The following TDRD5 variants were observed in gnomAD, a reference collection of about 807,000 sequenced individuals.
TDRD5 encodes the protein tudor domain-containing protein 5.
TDRD5 carries 41 observed loss-of-function variants against 120.6 expected under a neutral mutation model. The observed-to-expected ratio is 0.34, with a 90% CI of 0.26 to 0.44. TDRD5 has a LOEUF of 0.44. TDRD5 is among the 20% of genes least tolerant of loss of function. The probability of loss-of-function intolerance (pLI) is 1.00; values close to 1 mark genes in which losing one functional copy is unlikely to be tolerated. For synonymous variants in TDRD5, 430 were observed against 433.7 expected (o/e 0.99, Z 0.11); for missense variants, 1,006 against 1,221.2 (o/e 0.82, Z 2.63).
chr1:179,597,332 C>CTTTTTTTTTTTTTTTTTTTTTTTTTT (rs945509784), intron 4 of TDRD5, among the ~76,000 whole-genome samples: 39 of 125,540 alleles, frequency 3.1e-4, no homozygotes, highest in Non-Finnish European at 4.6e-4. Context: ...TTCTTTTTTT[C>CTTTTTTTTTTTTTTTTTTTTTTTTTT]TTTTTTTTTT....
intron 8 of TDRD5, among the ~76,000 whole-genome samples, chr1:179,635,430 T>A (rs1390265328): frequency 1.3e-5 from 2 of 152,174 alleles, no homozygotes; most frequent in Non-Finnish European, 2.9e-5. Flanking sequence ...AAGGTAGTAG[T>A]TTTCATATTT....
intron 11 of TDRD5, among the ~76,000 whole-genome samples, chr1:179,643,258 T>C (rs1446789463): frequency 6.6e-6 from 1 of 152,042 alleles, no homozygotes; most frequent in East Asian, 1.9e-4. Context: ...GAGAAGAGCA[T>C]AACAGAATCC....
In TDRD5 at chr1:179,638,818, A is replaced by G. The variant is rs1253362274; in HGVS notation, c.1521-1021A>G. Among the ~76,000 whole-genome samples, 2 of 92,828 alleles carry G rather than the reference A, an allele frequency of 2.2e-5. 1 individual carries two copies. Among genetic ancestry groups the G allele is most frequent in the Non-Finnish European group, 4.9e-5 (2 of 41,218 alleles). 60.9% of individuals were successfully genotyped at this position (92,828 alleles called of 152,430 possible). On this transcript the variant is annotated intron_variant, in intron 9 of 17. Transcript: ENST00000444136. ...TGTGGGTAAAATACACATTAAATAT[A>G]TTCATTTTAACTATGTACACTTTTT...
At chr1:179,645,754 A>G (rs544822347) in intron 11 of TDRD5, among the ~76,000 whole-genome samples, 2 of 152,200 alleles carry the variant, frequency 1.3e-5, no homozygotes, top group South Asian at 2.1e-4. Flanking sequence ...AATTGAGGCT[A>G]TATTATTAGG....
chr1:179,651,946 C>T (rs1678740178), intron 12 of TDRD5, 93 bp from the exon 13 acceptor site: 1 of 1,350,202 alleles, frequency 7.4e-7, no homozygotes, highest in Non-Finnish European at 1.0e-6. Context: ...AGATAATATA[C>T]TTCCATAGCA....
intron 11 of TDRD5, among the ~76,000 whole-genome samples, chr1:179,650,506 G>C (rs940433284): frequency 6.7e-6 from 1 of 149,698 alleles, no homozygotes; most frequent in South Asian, 2.1e-4. Context: ...CTGATAATTT[G>C]TTCAAGCTTG....
chr1:179,662,024 A>C lies in TDRD5; in HGVS notation c.2323-80A>C. 3.0e-6 allele frequency: 4 copies of C among 1,354,982 alleles called. No homozygotes were observed. In the South Asian group the frequency reaches 8.2e-5, roughly 28 times the overall value. 83.9% of individuals were successfully genotyped at this position (1,354,982 alleles called of 1,614,324 possible). A position where few individuals can be genotyped will look rare whatever the true frequency, so the allele number is the denominator to read the frequency against. ...TGTCATCTTTACCTGGAGTCAGGAAAAAACTATAAAACCTAAATTTTATGT... is the reference window on the plus strand; with the variant it reads ...TGTCATCTTTACCTGGAGTCAGGAACAAACTATAAAACCTAAATTTTATGT... On this transcript the variant is annotated intron_variant, in intron 14 of 17. Coordinates refer to ENST00000444136, the MANE Select transcript of TDRD5 (RefSeq NM_001199085.3).
At chr1:179,595,849 TACGATGTTTTTAAATTCAGTGGTGTTA>T in intron 4 of TDRD5, 31 bp downstream of exon 4, 2 of 1,557,876 alleles carry the variant, frequency 1.3e-6, no homozygotes, top group Non-Finnish European at 1.7e-6. Flanking sequence ...GATATAAATA[TACGATGTTTTTAAATTCAGTGGTGTTA>T]ACACTTTGAT....
At chr1:179,613,203 C>T (rs1676378426) in intron 4 of TDRD5, among the ~76,000 whole-genome samples, 1 of 152,074 alleles carries the variant, frequency 6.6e-6, no homozygotes, top group African/African-American at 2.4e-5. Flanking sequence ...TTTTATTTCA[C>T]CTGATAACCT....
At chr1:179,669,427 A>T in intron 17 of TDRD5, 23 bp downstream of exon 17, 1 of 1,612,394 alleles carries the variant, frequency 6.2e-7, no homozygotes, top group East Asian at 2.2e-5. Flanking sequence ...GTACTTGTGC[A>T]TGCTCACAGT....
chr1:179,651,076 G>A lies in TDRD5; in HGVS notation c.2001+9G>A. On this transcript the variant is annotated intron_variant, in intron 12 of 17. Coordinates refer to ENST00000444136, the MANE Select transcript of TDRD5 (RefSeq NM_001199085.3). ...AAAATATCTCTTCTAAGGTGGAGCA[G>A]TCTGGATGTATTTTGTAATATATTT... is the stretch of plus-strand genomic sequence containing the variant. 1 of 1,613,424 alleles carries A rather than the reference G, an allele frequency of 6.2e-7. No individual in the cohort carries two copies. The highest frequency in any genetic ancestry group is 8.5e-7 in the Non-Finnish European group (1 of 1,179,682).
rs181842431 is a variant in TDRD5, at chr1:179,633,382, C to T, written c.1127-1075C>T. 2.2e-3 allele frequency among the ~76,000 whole-genome samples: 335 copies of T among 151,184 alleles called. 5 individuals carry two copies. The highest frequency in any genetic ancestry group is 7.6e-3 in the African/African-American group (314 of 41,240). ...CTTTTTTTTTTTTGAGATGGAGTCT[C>T]GCTCTGTCACCCAGGCTGGAGTGCA... On this transcript the variant is annotated intron_variant, in intron 7 of 17. Coordinates refer to ENST00000444136, the MANE Select transcript of TDRD5 (RefSeq NM_001199085.3).
At chr1:179,610,419 G>A (rs1367485003) in intron 4 of TDRD5, among the ~76,000 whole-genome samples, 1 of 152,138 alleles carries the variant, frequency 6.6e-6, no homozygotes, top group Non-Finnish European at 1.5e-5. Context: ...AGATTATCAT[G>A]AATTGTTCAG....
chr1:179,648,462 G>C (rs1169754784), intron 11 of TDRD5, among the ~76,000 whole-genome samples: 1 of 88,064 alleles, frequency 1.1e-5, no homozygotes, highest in Non-Finnish European at 2.3e-5. Flanking sequence ...TGGGGGGGGG[G>C]AGGGATAGCA....
At chr1:179,616,915 C>G (rs1572350956) in intron 4 of TDRD5, among the ~76,000 whole-genome samples, 1 of 152,268 alleles carries the variant, frequency 6.6e-6, no homozygotes, top group East Asian at 1.9e-4. Flanking sequence ...CCTGAAACAC[C>G]TAGCACAGTG....
rs867054398 is a variant in TDRD5 at position 179,663,459 on chromosome 1, G to A, written c.2617G>A (p.Glu873Lys). The A allele has an allele frequency of 6.2e-7, 1 of 1,612,590 alleles. No individual in the cohort carries two copies. The highest frequency in any genetic ancestry group is 8.5e-7 in the Non-Finnish European group (1 of 1,179,580). The change falls in exon 16 of 18, where the codon GAA (glutamate) becomes AAA (lysine). Residue 873 changes from glutamate to lysine, a missense_variant. Physicochemically the swap from Glu to Lys is moderately conservative, Grantham distance 56 (BLOSUM62 1). This residue lies in a region of TDRD5 where 403 missense variants were observed against 448.1 expected (regional missense o/e 0.90). Coordinates refer to ENST00000444136, the MANE Select transcript of TDRD5 (RefSeq NM_001199085.3). ...TAAGCCAGAAGTACTGGGTGCTCAG[G>A]AAAAAAATACTGGCACAAACAGGAC... ...VHKPEVLGAQ[E>K]KNTGTNRTQK...
chr1:179,662,226 A>G lies in TDRD5; in HGVS notation c.2445A>G (p.Leu815=), dbSNP rs1357601257. 6.2e-7 allele frequency: 1 copy of G among 1,611,830 alleles called. No individual in the cohort carries two copies. The highest frequency in any genetic ancestry group is 1.1e-5 in the South Asian group (1 of 90,530). Residue 815 remains leucine (L), a synonymous_variant, in exon 15 of 18, where the codon CTA becomes CTG. Transcript: ENST00000444136. ...MGKGGDAASH[L]FTASLGGKNQ... ...AAGGAGGTGATGCTGCCTCCCATCT[A>G]TTTACTGCAAGCCTTGGTGGAAAGA...
chr1:179,624,308 C>T (rs964156508), intron 6 of TDRD5, among the ~76,000 whole-genome samples: 1 of 152,086 alleles, frequency 6.6e-6, no homozygotes, highest in African/African-American at 2.4e-5. Context: ...TTGTGAAAAC[C>T]TATTAATATA....
Position 179,654,230 on chromosome 1 carries a change from T to A in TDRD5, c.2190T>A (p.Ser730Arg). The A allele has an allele frequency of 1.3e-6, 2 of 1,545,914 alleles. No homozygotes were observed. Among genetic ancestry groups the A allele is most frequent in the East Asian group, 2.4e-5 (1 of 40,838 alleles). ...ATATTAATGATGAAAAGTCTTTAAG[T>A]CATCTTAAATCTGAGTCAAAGGAGC... is the stretch of plus-strand genomic sequence containing the variant. ...LQDINDEKSL[S>R]HLKSESKEPL... Residue 730 changes from serine (S) to arginine (R), a missense_variant, in exon 14 of 18, where the codon AGT (serine) becomes AGA (arginine). Physicochemically the swap from Ser to Arg is moderately radical, Grantham distance 110. Coordinates refer to ENST00000444136, the MANE Select transcript of TDRD5 (RefSeq NM_001199085.3).
Sources: allele counts gnomAD v4.1 joint callset (sites outside exome capture counted in the v4.1 genomes callset), GRCh38; gene constraint gnomAD v4.1.1; regional missense constraint gnomAD v4.1.1; transcripts MANE v1.5; gene names NCBI Gene and HGNC (gene_info 2026-07-23, HGNC 2026-07-21).